The following KIF18A variants were observed in gnomAD, a reference collection of about 807,000 sequenced individuals.
The protein encoded by KIF18A is kinesin family member 18A.
Under a neutral mutation model 103.3 loss-of-function variants are expected in KIF18A, and 67 were observed. That is an observed-to-expected ratio of 0.65 (90% confidence interval 0.53 to 0.79). The LOEUF (loss-of-function observed/expected upper bound fraction) is 0.79, where lower values mean the gene tolerates loss of function less well. KIF18A is among the 30% of genes least tolerant of loss of function. KIF18A has a pLI of 0.00. For synonymous variants in KIF18A, 367 were observed against 355.5 expected, an observed-to-expected ratio of 1.03 and a Z score of -0.36; for missense variants, 1,032 against 1,062.5, an observed-to-expected ratio of 0.97 and a Z score of 0.40.
chr11:28,070,755 A>G (rs1213400049), intron 10 of KIF18A, among the ~76,000 whole-genome samples: 2 of 152,212 alleles, frequency 1.3e-5, no homozygotes, highest in Non-Finnish European at 2.9e-5. Context: ...GAATGCTACA[A>G]TGCAGGCTGG....
At chr11:28,076,869 G>A (rs1455013249) in intron 10 of KIF18A, 138 bp downstream of exon 10, 1 of 444,454 alleles carries the variant, frequency 2.2e-6, no homozygotes, top group Non-Finnish European at 3.9e-6. Flanking sequence ...GGAAGGCAGA[G>A]GTTGCAGTGA....
At chr11:28,082,989 G>C in intron 8 of KIF18A, 21 bp from the exon 9 acceptor site, 1 of 1,504,002 alleles carries the variant, frequency 6.6e-7, no homozygotes, top group Non-Finnish European at 9.1e-7. Context: ...GAAATCACTA[G>C]TTAAAATACA....
chr11:28,100,828 CT>C (rs1173868341), intron 1 of KIF18A, among the ~76,000 whole-genome samples: 1 of 152,088 alleles, frequency 6.6e-6, no homozygotes, highest in Non-Finnish European at 1.5e-5. Context: ...TGAATTACTA[CT>C]TTGTTTTTCA....
intron 2 of KIF18A, 105 bp downstream of exon 2, chr11:28,097,518 C>T (rs761585845): frequency 6.4e-6 from 5 of 781,972 alleles, no homozygotes; most frequent in African/African-American, 3.5e-5. Context: ...TTTTAGCATA[C>T]AAGCTCCTTA....
intron 3 of KIF18A, among the ~76,000 whole-genome samples, chr11:28,092,058 G>A (rs908480167): frequency 3.3e-5 from 5 of 152,030 alleles, no homozygotes; most frequent in African/African-American, 9.7e-5. Context: ...CTCGTGATCC[G>A]CCCACCTCGG....
rs778505770 is a variant in KIF18A, at chr11:28,021,296, A to G, written c.2615-14T>C. The G allele has an allele frequency of 7.2e-6, 10 of 1,383,830 alleles. No individual in the cohort carries two copies. The Admixed American group carries it at 1.6e-4, about 22-fold the overall frequency. 85.7% of individuals were successfully genotyped at this position (1,383,830 alleles called of 1,614,324 possible). On this transcript the variant is annotated splice_polypyrimidine_tract_variant and intron_variant, in intron 16 of 16. Coordinates refer to ENST00000263181, the MANE Select transcript of KIF18A (RefSeq NM_031217.4). ...TTCTTTTATGTTCTAGAGAAGAAAT[A>G]AAAAGATGCATAAATATGGCATAAA...
At chr11:28,092,103 C>A (rs1488529010) in intron 3 of KIF18A, among the ~76,000 whole-genome samples, 4 of 152,186 alleles carry the variant, frequency 2.6e-5, no homozygotes, top group Admixed American at 2.0e-4. Context: ...GCGTGAGCCA[C>A]CGCGCCCGGC....
chr11:28,039,661 C>T (rs767140665), intron 13 of KIF18A, among the ~76,000 whole-genome samples: 10 of 151,514 alleles, frequency 6.6e-5, no homozygotes, highest in South Asian at 4.2e-4. Context: ...AGCATACACC[C>T]GACATCAAAT....
chr11:28,084,908 C>T, intron 6 of KIF18A, 100 bp from the exon 7 acceptor site: 1 of 827,904 alleles, frequency 1.2e-6, no homozygotes, highest in South Asian at 1.7e-5. Flanking sequence ...TACCTAGGTG[C>T]CGAGGCAAGA....
In KIF18A at chr11:28,058,982, C is replaced by T; in HGVS notation, c.1892G>A (p.Gly631Glu). 1.9e-6 allele frequency: 3 copies of T among 1,613,992 alleles called. No individual in the cohort carries two copies. The highest frequency in any genetic ancestry group is 2.5e-6 in the Non-Finnish European group (3 of 1,179,976). ...TGGAAAGGTCATAAGAACAGAAATC[C>T]CTGGTAGATCGTTTTGCTTTGGTTG... ...AEQPKQNDLP[G>E]ISVLMTFPQL... Residue 631 changes from glycine to glutamate, a missense_variant, in exon 13 of 17, where the codon GGG (glycine) becomes GAG (glutamate). Coordinates refer to ENST00000263181, the MANE Select transcript of KIF18A (RefSeq NM_031217.4).
intron 10 of KIF18A, among the ~76,000 whole-genome samples, chr11:28,075,003 T>C (rs1851071184): frequency 6.6e-6 from 1 of 152,214 alleles, no homozygotes; most frequent in Non-Finnish European, 1.5e-5. Context: ...CGTTTAGGTA[T>C]ATATTTATCT....
intron 5 of KIF18A, 37 bp from the exon 6 acceptor site, chr11:28,088,758 A>G (rs758296041): frequency 1.3e-6 from 2 of 1,508,230 alleles, no homozygotes; most frequent in East Asian, 2.4e-5. Flanking sequence ...AATGAGGATA[A>G]GATTTAACAA....
chr11:28,100,774 G>GA (rs1338768982), intron 1 of KIF18A, among the ~76,000 whole-genome samples: 1 of 152,012 alleles, frequency 6.6e-6, no homozygotes, highest in African/African-American at 2.4e-5. Flanking sequence ...ATAGAATACT[G>GA]AAAAGGAAGG....
chr11:28,091,044 G>A (rs1256429631), intron 4 of KIF18A, among the ~76,000 whole-genome samples: 1 of 151,870 alleles, frequency 6.6e-6, no homozygotes, highest in Non-Finnish European at 1.5e-5. Flanking sequence ...CCCAGAGTTT[G>A]AGACCAGCCT....
chr11:28,036,367 C>T lies in KIF18A; in HGVS notation c.2246G>A (p.Cys749Tyr). The change falls in exon 14 of 17, where the codon TGT becomes TAT. Residue 749 changes from cysteine to tyrosine, a missense_variant. By Grantham distance (194) the Cys-to-Tyr change is radical. Transcript: ENST00000263181. ...TCTATTATGAGGGATAGCTACTTCA[C>T]ACAACATTTTCAGACAATTATCACT... is the stretch of plus-strand genomic sequence containing the variant. ...INSDNCLKML[C>Y]EVAIPHNRRK... The T allele has an allele frequency of 6.2e-7, 1 of 1,611,244 alleles. No homozygotes were observed. Among genetic ancestry groups the T allele is most frequent in the Non-Finnish European group, 8.5e-7 (1 of 1,178,238 alleles).
At chr11:28,072,329 C>T (rs145150736) in intron 10 of KIF18A, among the ~76,000 whole-genome samples, 10 of 152,198 alleles carry the variant, frequency 6.6e-5, no homozygotes, top group Middle Eastern at 3.4e-3. Flanking sequence ...AACAATCTTA[C>T]AGATTATTTT....
intron 15 of KIF18A, among the ~76,000 whole-genome samples, chr11:28,034,038 C>T (rs1850447023): frequency 6.6e-6 from 1 of 151,726 alleles, no homozygotes; most frequent in Non-Finnish European, 1.5e-5. Context: ...CTAATACTCT[C>T]TTCTGCTGTA....
intron 15 of KIF18A, among the ~76,000 whole-genome samples, chr11:28,032,050 C>G (rs972156259): frequency 5.3e-5 from 8 of 150,332 alleles, no homozygotes; most frequent in African/African-American, 1.7e-4. Flanking sequence ...TTCCAGAATA[C>G]AAAATCAATA....
chr11:28,099,112 C>T (rs954280509), intron 1 of KIF18A, among the ~76,000 whole-genome samples: 1 of 151,844 alleles, frequency 6.6e-6, no homozygotes, highest in African/African-American at 2.4e-5. Context: ...ATAAATAGAT[C>T]GAAAAAATGT....
Sources: allele counts gnomAD v4.1 joint callset (sites outside exome capture counted in the v4.1 genomes callset), GRCh38; gene constraint gnomAD v4.1.1; transcripts MANE v1.5; gene names NCBI Gene and HGNC (gene_info 2026-07-23, HGNC 2026-07-21).